Variants in MEGF10 observed in about 807,000 individuals in gnomAD.
MEGF10 encodes the protein multiple epidermal growth factor-like domains protein 10.
In MEGF10, 86 loss-of-function variants were observed where a neutral mutation model predicts 147.5. The ratio of observed to expected loss-of-function variants is 0.58; its 90% CI spans 0.49 to 0.70. The LOEUF (loss-of-function observed/expected upper bound fraction) is 0.70, where lower values mean the gene tolerates loss of function less well. MEGF10 is among the 30% of genes least tolerant of loss of function. The pLI is 0.00. For missense variants in MEGF10, 1,329 were observed against 1,487.3 expected (o/e 0.89, Z 1.75); for synonymous variants, 478 against 525.5 (o/e 0.91, Z 1.24).
the MEGF10 span, among the ~76,000 whole-genome samples, chr5:127,273,765 G>T: frequency 1.2e-4 from 18 of 152,192 alleles, no homozygotes; most frequent in East Asian, 3.5e-3. Context: ...CATGCTTTTC[G>T]TAAACTATAT....
At chr5:127,299,850 T>C (rs962152075) in intron 1 of MEGF10, 2 of 151,910 alleles carry the variant, frequency 1.3e-5, no homozygotes, top group Non-Finnish European at 2.9e-5. Flanking sequence ...TTACACCAAG[T>C]GTTAGGCAGC....
the MEGF10 span, among the ~76,000 whole-genome samples, chr5:127,274,965 G>A: frequency 6.6e-6 from 1 of 151,950 alleles, no homozygotes; most frequent in Non-Finnish European, 1.5e-5. Context: ...AAAATTATAA[G>A]CCTCATATTC....
chr5:127,403,838 G>A (rs570817855), intron 8 of MEGF10, among the ~76,000 whole-genome samples: 52 of 151,930 alleles, frequency 3.4e-4, no homozygotes, highest in African/African-American at 5.1e-4. Context: ...TTATCCTTTC[G>A]TCTGTTGATA....
intron 4 of MEGF10, among the ~76,000 whole-genome samples, chr5:127,352,687 G>A (rs1048596048): frequency 6.6e-6 from 1 of 151,916 alleles, no homozygotes; most frequent in Non-Finnish European, 1.5e-5. Context: ...AAAAAAAAAA[G>A]CGTTTATTTA....
upstream of MEGF10, among the ~76,000 whole-genome samples, chr5:127,288,503 C>T (rs1759101524): frequency 6.6e-6 from 1 of 152,112 alleles, no homozygotes; most frequent in South Asian, 2.1e-4. Flanking sequence ...TGGTCACCAT[C>T]ATTAGTCAGT....
chr5:127,252,161 A>T, the MEGF10 span, among the ~76,000 whole-genome samples: 1 of 151,936 alleles, frequency 6.6e-6, no homozygotes, highest in Non-Finnish European at 1.5e-5. Flanking sequence ...ATGATACCTT[A>T]TTGGTAGGAG....
At chr5:127,406,299 G>A (rs1269088423) in intron 8 of MEGF10, among the ~76,000 whole-genome samples, 1 of 152,226 alleles carries the variant, frequency 6.6e-6, no homozygotes, top group African/African-American at 2.4e-5. Flanking sequence ...GCCAGAGAAA[G>A]AGAAGGGAAG....
chr5:127,332,914 T>C (rs1302968648), intron 2 of MEGF10, among the ~76,000 whole-genome samples: 2 of 152,106 alleles, frequency 1.3e-5, no homozygotes, highest in African/African-American at 4.8e-5. Flanking sequence ...AAAGTCAAGT[T>C]TGTGAGATGT....
intron 4 of MEGF10, among the ~76,000 whole-genome samples, chr5:127,352,633 C>T (rs1026252030): frequency 5.3e-5 from 8 of 151,996 alleles, no homozygotes; most frequent in Non-Finnish European, 1.2e-4. Flanking sequence ...CGACATTGCA[C>T]TTCAGCCTGG....
intron 5 of MEGF10, among the ~76,000 whole-genome samples, chr5:127,387,983 G>T (rs543667318): frequency 6.6e-6 from 1 of 151,964 alleles, no homozygotes; most frequent in Non-Finnish European, 1.5e-5. Flanking sequence ...AAGTTATAGC[G>T]CTCTACACTC....
intron 5 of MEGF10, among the ~76,000 whole-genome samples, chr5:127,375,894 T>C (rs1437440389): frequency 6.6e-6 from 1 of 152,268 alleles, no homozygotes; most frequent in African/African-American, 2.4e-5. Flanking sequence ...TGAACTTTCA[T>C]TGAATGATTA....
intron 5 of MEGF10, among the ~76,000 whole-genome samples, chr5:127,391,076 A>T (rs961235557): frequency 7.1e-6 from 1 of 139,922 alleles, no homozygotes; most frequent in Admixed American, 7.2e-5. Flanking sequence ...ATATATACAT[A>T]CATACACACA....
At chr5:127,420,791 C>T (rs1030231745) in intron 12 of MEGF10, among the ~76,000 whole-genome samples, 6 of 152,200 alleles carry the variant, frequency 3.9e-5, no homozygotes, top group African/African-American at 1.4e-4. Context: ...CTCAAGCTGT[C>T]AGGGAGTGCA....
intron 1 of MEGF10, among the ~76,000 whole-genome samples, chr5:127,311,608 C>A (rs1760289090): frequency 6.6e-6 from 1 of 152,144 alleles, no homozygotes; most frequent in African/African-American, 2.4e-5. Context: ...TGTGCTGCTG[C>A]CTGCACAGTA....
intron 4 of MEGF10, among the ~76,000 whole-genome samples, chr5:127,352,001 T>C (rs1483669192): frequency 1.3e-5 from 2 of 152,176 alleles, no homozygotes. Flanking sequence ...CTAGCAGTGA[T>C]CATGTTCCTT....
At chr5:127,234,298 C>A in the MEGF10 span, among the ~76,000 whole-genome samples, 2 of 152,352 alleles carry the variant, frequency 1.3e-5, no homozygotes, top group Admixed American at 1.3e-4. Context: ...TTGACTTTCA[C>A]TTGTATTTCA....
the MEGF10 span, among the ~76,000 whole-genome samples, chr5:127,278,596 G>A: frequency 6.6e-6 from 1 of 152,128 alleles, no homozygotes; most frequent in Non-Finnish European, 1.5e-5. Context: ...CACGTCATTT[G>A]GGAGGCCCAA....
At chr5:127,344,956 C>T (rs1003177436) in intron 4 of MEGF10, among the ~76,000 whole-genome samples, 4 of 152,170 alleles carry the variant, frequency 2.6e-5, no homozygotes, top group African/African-American at 9.7e-5. Flanking sequence ...TCAGGTGCTC[C>T]TGCCTTCTCT....
chr5:127,331,511 A>G, intron 2 of MEGF10, 87 bp downstream of exon 2: 1 of 753,732 alleles, frequency 1.3e-6, no homozygotes, highest in Non-Finnish European at 2.2e-6. Flanking sequence ...TAAAATTAGA[A>G]TTTGTGAAGA....
Sources: allele counts gnomAD v4.1 joint callset (sites outside exome capture counted in the v4.1 genomes callset), GRCh38; gene constraint gnomAD v4.1.1; transcripts MANE v1.5; gene names NCBI Gene and HGNC (gene_info 2026-07-23, HGNC 2026-07-21).